AK9: variants seen among roughly 807,000 people sequenced by gnomAD.
AK9 encodes adenylate kinase domain containing 1.
Under a neutral mutation model 239.6 loss-of-function variants are expected in AK9, and 191 were observed. The observed-to-expected ratio is 0.80, with a 90% CI of 0.71 to 0.90. The LOEUF is 0.90. Among genes scored for constraint, AK9 ranks in the 40% least tolerant of loss-of-function variants. The pLI is 0.00. For missense variants in AK9, 1,995 were observed against 2,214.7 expected (o/e 0.90, Z 1.99); for synonymous variants, 689 against 721.0 (o/e 0.96, Z 0.71).
intron 1 of AK9, among the ~76,000 whole-genome samples, chr6:109,681,982 AGCAG>A (rs2128353689): frequency 6.6e-6 from 1 of 152,344 alleles, no homozygotes; most frequent in South Asian, 2.1e-4. Flanking sequence ...CACAAGAGAA[AGCAG>A]GAAAGATCTA....
At chr6:109,502,988 T>TGC (rs2128101803) in intron 35 of AK9, among the ~76,000 whole-genome samples, 2 of 149,462 alleles carry the variant, frequency 1.3e-5, no homozygotes, top group South Asian at 4.5e-4. Flanking sequence ...TGTGTGTGTG[T>TGC]GTATTATTTT....
Position 109,564,711 on chromosome 6 carries a change from GA to G in AK9, c.2434+44del, listed in dbSNP as rs544580452. 1,517 of 1,422,920 alleles carry G rather than the reference GA, an allele frequency of 1.1e-3. 17 individuals carry two copies. The African/African-American group carries it at 0.02, about 19-fold the overall frequency. 88.1% of individuals were successfully genotyped at this position (1,422,920 alleles called of 1,614,324 possible). ...TTAGGGACCCTTTGTAAGAAAATAT[GA>G]AAAGTACTTTTATGCAAGAACTACT... On this transcript the variant is annotated intron_variant, in intron 22 of 40. Transcript: ENST00000424296.
At chr6:109,630,428 T>C (rs1795989836) in intron 12 of AK9, among the ~76,000 whole-genome samples, 1 of 152,206 alleles carries the variant, frequency 6.6e-6, no homozygotes. Context: ...GAATAGCCAA[T>C]GCACTCATGA....
intron 17 of AK9, among the ~76,000 whole-genome samples, chr6:109,593,311 A>T (rs1425554239): frequency 6.6e-6 from 1 of 152,062 alleles, no homozygotes; most frequent in African/African-American, 2.4e-5. Flanking sequence ...TAAAATCTAA[A>T]CCAGGAAAAG....
At chr6:109,604,660 ACTT>A (rs1047999107) in intron 17 of AK9, among the ~76,000 whole-genome samples, 2 of 152,202 alleles carry the variant, frequency 1.3e-5, no homozygotes, top group African/African-American at 4.8e-5. Flanking sequence ...CCTCTATCAT[ACTT>A]CTTTGTTGAA....
At chr6:109,562,939 A>C (rs953705789) in intron 24 of AK9, among the ~76,000 whole-genome samples, 1 of 152,174 alleles carries the variant, frequency 6.6e-6, no homozygotes, top group Non-Finnish European at 1.5e-5. Context: ...TGAGTGGGAC[A>C]AAACCCGCAT....
chr6:109,523,936 TCC>T (rs1780148932), intron 29 of AK9, among the ~76,000 whole-genome samples: 1 of 152,006 alleles, frequency 6.6e-6, no homozygotes, highest in Non-Finnish European at 1.5e-5. Flanking sequence ...AAGTCCAGAA[TCC>T]CCACAATATA....
At chr6:109,503,172 A>G (rs1777765668) in intron 35 of AK9, among the ~76,000 whole-genome samples, 1 of 151,970 alleles carries the variant, frequency 6.6e-6, no homozygotes, top group Non-Finnish European at 1.5e-5. Flanking sequence ...GTACTATAGT[A>G]CAATAATATA....
chr6:109,563,776 A>G (rs1583022119), intron 23 of AK9, 64 bp from the exon 24 acceptor site: 1 of 1,459,896 alleles, frequency 6.8e-7, no homozygotes, highest in Non-Finnish European at 9.2e-7. Context: ...GCATATTACT[A>G]TAGTCAAATG....
chr6:109,658,423 A>G (rs1799984312), intron 7 of AK9, among the ~76,000 whole-genome samples: 1 of 152,160 alleles, frequency 6.6e-6, no homozygotes, highest in African/African-American at 2.4e-5. Context: ...AAAGTAACAT[A>G]ATTTCAGAAA....
At chr6:109,514,020 A>G (rs562837771) in intron 32 of AK9, among the ~76,000 whole-genome samples, 2 of 152,158 alleles carry the variant, frequency 1.3e-5, no homozygotes, top group East Asian at 1.9e-4. Flanking sequence ...AATTCAGCCC[A>G]CTCCAAAACT....
chr6:109,529,585 T>C (rs147473574), intron 28 of AK9, among the ~76,000 whole-genome samples: 19 of 152,270 alleles, frequency 1.2e-4, no homozygotes, highest in Admixed American at 5.9e-4. Flanking sequence ...TATTATTACA[T>C]TGTAATATCC....
intron 26 of AK9, 107 bp from the exon 27 acceptor site, chr6:109,542,278 A>T: frequency 9.0e-7 from 1 of 1,109,432 alleles, no homozygotes; most frequent in Non-Finnish European, 1.2e-6. Context: ...ATGGAGGTGG[A>T]GAGTAGAATG....
At chr6:109,607,410 C>T (rs1793022177) in intron 17 of AK9, among the ~76,000 whole-genome samples, 1 of 152,084 alleles carries the variant, frequency 6.6e-6, no homozygotes, top group African/African-American at 2.4e-5. Context: ...CATGTGCAGA[C>T]TTGTTTTTCT....
At chr6:109,541,979 A>AT in intron 27 of AK9, 68 bp downstream of exon 27, 1 of 1,327,512 alleles carries the variant, frequency 7.5e-7, no homozygotes. Flanking sequence ...GTTAAACTAC[A>AT]TTTTTAACTT....
chr6:109,632,229 A>G, intron 12 of AK9: 1 of 985,488 alleles, frequency 1.0e-6, no homozygotes, highest in Non-Finnish European at 1.2e-6. Flanking sequence ...AGAATGCAAC[A>G]GCACTTTGAA....
At chr6:109,664,024 T>C (rs1354812567) in intron 5 of AK9, among the ~76,000 whole-genome samples, 1 of 152,246 alleles carries the variant, frequency 6.6e-6, no homozygotes, top group East Asian at 1.9e-4. Flanking sequence ...AAGTTGGACA[T>C]TGAAGAGATT....
intron 29 of AK9, among the ~76,000 whole-genome samples, chr6:109,525,896 T>C (rs1582839493): frequency 6.6e-6 from 1 of 152,318 alleles, no homozygotes; most frequent in African/African-American, 2.4e-5. Context: ...TAGATGCCCA[T>C]TAATGGTGGA....
At chr6:109,641,987 T>C (rs1030825013) in intron 9 of AK9, among the ~76,000 whole-genome samples, 5 of 152,188 alleles carry the variant, frequency 3.3e-5, no homozygotes, top group African/African-American at 1.2e-4. Flanking sequence ...TCCCCAGATA[T>C]TCATGTCCTT....
Sources: allele counts gnomAD v4.1 joint callset (sites outside exome capture counted in the v4.1 genomes callset), GRCh38; gene constraint gnomAD v4.1.1; transcripts MANE v1.5; gene names NCBI Gene and HGNC (gene_info 2026-07-23, HGNC 2026-07-21).